DIP2A: variants seen among roughly 807,000 people sequenced by gnomAD.
The protein encoded by DIP2A is DIP2 acetate--CoA ligase A, also known as disco-interacting protein 2 homolog A.
A neutral mutation model predicts 177.4 loss-of-function variants in DIP2A; 85 were observed. The observed-to-expected ratio is 0.48, with a 90% confidence interval of 0.40 to 0.57. The LOEUF (loss-of-function observed/expected upper bound fraction) is 0.57, where lower values mean the gene tolerates loss of function less well. Among genes scored for constraint, DIP2A ranks in the 20% least tolerant of loss-of-function variants. DIP2A has a pLI of 0.00. For synonymous variants in DIP2A, 886 were observed against 881.8 expected (o/e 1.00, Z -0.08); for missense variants, 1,791 against 2,100.2 (o/e 0.85, Z 2.88).
chr21:46,575,981 A>G, the DIP2A span, among the ~76,000 whole-genome samples: 1 of 152,216 alleles, frequency 6.6e-6, no homozygotes. Flanking sequence ...AGTTCTCCAA[A>G]TAAGATATAC....
intron 2 of DIP2A, among the ~76,000 whole-genome samples, chr21:46,488,623 A>G (rs925970356): frequency 1.3e-5 from 2 of 152,228 alleles, no homozygotes; most frequent in African/African-American, 4.8e-5. Flanking sequence ...ATGGAAATGC[A>G]AATTAAAGGG....
intron 1 of DIP2A, among the ~76,000 whole-genome samples, chr21:46,463,807 C>G (rs1048770298): frequency 1.3e-5 from 2 of 151,722 alleles, no homozygotes; most frequent in African/African-American, 4.8e-5. Flanking sequence ...CTCCCGGGTT[C>G]AAGCAATTGT....
At chr21:46,476,532 G>A (rs1836784039) in intron 1 of DIP2A, among the ~76,000 whole-genome samples, 1 of 152,066 alleles carries the variant, frequency 6.6e-6, no homozygotes, top group South Asian at 2.1e-4. Flanking sequence ...AATGGAGAGA[G>A]CCATCAGACA....
At position 46,537,380 on chromosome 21, in the gene DIP2A, G is replaced by A. The variant is rs1273008970; in HGVS notation, c.1708-66G>A. The A allele has an allele frequency of 3.7e-6, 6 of 1,610,224 alleles. No individual in the cohort carries two copies. The African/African-American group carries it at 6.7e-5, about 18-fold the overall frequency. ...GAAATGTTGTTGGGAGAGTACATCG[G>A]TTTTGTTTTGCTTTTTCTGGTGTGG... On this transcript the variant is annotated intron_variant, in intron 14 of 37. Coordinates refer to ENST00000417564, the MANE Select transcript of DIP2A (RefSeq NM_015151.4). The surrounding 1 kb of genome is among the most constrained non-coding windows in gnomAD (Gnocchi z 4.1).
intron 1 of DIP2A, among the ~76,000 whole-genome samples, chr21:46,459,539 G>A (rs1183154370): frequency 3.2e-5 from 1 of 31,654 alleles, no homozygotes; most frequent in Non-Finnish European, 6.8e-5. Flanking sequence ...CTCACCCCCG[G>A]GACCTCCTGC....
intron 27 of DIP2A, 36 bp from the exon 28 acceptor site, chr21:46,554,786 G>GCCCCCCC: frequency 6.6e-7 from 1 of 1,519,126 alleles, no homozygotes. Context: ...AGCTTGAGAG[G>GCCCCCCC]CCCCGCCCAC....
chr21:46,494,373 T>C (rs1430266183), intron 3 of DIP2A, among the ~76,000 whole-genome samples: 1 of 152,252 alleles, frequency 6.6e-6, no homozygotes, highest in Non-Finnish European at 1.5e-5. Flanking sequence ...TTCAGCTGTT[T>C]ACAAGACTGT....
intron 5 of DIP2A, among the ~76,000 whole-genome samples, chr21:46,499,781 C>T (rs754452895): frequency 4.6e-5 from 7 of 152,176 alleles, no homozygotes; most frequent in Non-Finnish European, 8.8e-5. Context: ...TTGTTGAAGA[C>T]TCATCTTAAT....
intron 8 of DIP2A, among the ~76,000 whole-genome samples, chr21:46,527,963 T>C (rs536253173): frequency 1.2e-4 from 18 of 152,294 alleles, no homozygotes; most frequent in African/African-American, 4.3e-4. Context: ...TCTATTGTCC[T>C]GTCTTCCTCA....
intron 20 of DIP2A, 59 bp downstream of exon 20, chr21:46,546,020 G>A (rs764624399): frequency 6.2e-7 from 1 of 1,611,402 alleles, no homozygotes; most frequent in East Asian, 2.2e-5. Context: ...GTGTGGCTAA[G>A]GGACACCTCG....
At chr21:46,559,323 G>A (rs1184108115) in intron 32 of DIP2A, among the ~76,000 whole-genome samples, 1 of 152,218 alleles carries the variant, frequency 6.6e-6, no homozygotes, top group East Asian at 1.9e-4. Context: ...TACAAGAATA[G>A]CTGGAAGGAA....
At chr21:46,566,815 G>T in intron 37 of DIP2A, 132 bp downstream of exon 37, 1 of 1,213,772 alleles carries the variant, frequency 8.2e-7, no homozygotes, top group South Asian at 1.5e-5. Context: ...TTGTCACCCT[G>T]GTCTGCAGTG....
At chr21:46,489,364 A>G (rs74509695) in intron 2 of DIP2A, among the ~76,000 whole-genome samples, 56 of 152,284 alleles carry the variant, frequency 3.7e-4, no homozygotes, top group Non-Finnish European at 6.0e-4. Flanking sequence ...CTGGGCCAAC[A>G]TCCTGTGAGG....
intron 35 of DIP2A, among the ~76,000 whole-genome samples, chr21:46,565,511 G>A (rs1295077794): frequency 6.6e-6 from 1 of 152,226 alleles, no homozygotes; most frequent in Non-Finnish European, 1.5e-5. Context: ...AAGAAACACA[G>A]TATTTAAGGA....
At chr21:46,510,287 C>T (rs546977433) in intron 7 of DIP2A, among the ~76,000 whole-genome samples, 3 of 152,280 alleles carry the variant, frequency 2.0e-5, no homozygotes, top group Admixed American at 6.5e-5. Context: ...TTTATTCTGG[C>T]CGTGCTGGCA....
At chr21:46,506,498 G>C (rs559467703) in intron 6 of DIP2A, among the ~76,000 whole-genome samples, 4 of 152,150 alleles carry the variant, frequency 2.6e-5, no homozygotes, top group Admixed American at 2.0e-4. Flanking sequence ...AGTAGTGAGA[G>C]TATCAGTTCC....
At position 46,556,144 on chromosome 21, in the gene DIP2A, G is replaced by C; in HGVS notation, c.3498+53G>C. 1.3e-6 allele frequency: 2 copies of C among 1,517,702 alleles called. No homozygotes were observed. The highest frequency in any genetic ancestry group is 2.3e-5 in the South Asian group (2 of 88,478). The allele number at this position is 1,517,702 out of a possible 1,614,324, so 94.0% of individuals were successfully genotyped here. ...CAGCCCCTAGAAATCAGGAGGAGTG[G>C]ACAGAAAGGATGTCAGATGCAGATT... On this transcript the variant is annotated intron_variant, in intron 29 of 37. Transcript: ENST00000417564. This position sits in a 1 kb window ranked among gnomAD's most constrained non-coding sequence, Gnocchi z 4.5.
intron 25 of DIP2A, among the ~76,000 whole-genome samples, chr21:46,552,669 T>C (rs184803880): frequency 2.0e-4 from 31 of 152,274 alleles, no homozygotes; most frequent in African/African-American, 7.5e-4. Context: ...GCCTACAATG[T>C]GCACAGTGCA....
chr21:46,554,494 C>T, intron 26 of DIP2A, 81 bp from the exon 27 acceptor site: 4 of 1,568,950 alleles, frequency 2.5e-6, no homozygotes, highest in Non-Finnish European at 3.5e-6. Flanking sequence ...ACCTCCCCTC[C>T]TCTCTCGCAG....
Sources: gnomAD v4.1 joint callset for allele counts (sites outside exome capture counted in the v4.1 genomes callset) on GRCh38, gnomAD v4.1.1 for gene constraint, Gnocchi (gnomAD v3.1) non-coding constraint, MANE v1.5 for transcripts, NCBI Gene and HGNC (gene_info 2026-07-23, HGNC 2026-07-21) for gene names.